The following RGPD6 variants were observed in gnomAD, a reference collection of about 807,000 sequenced individuals.
RGPD6 encodes the protein RANBP2-like and GRIP domain-containing protein 5/6.
At chr2:110,589,476 T>A in the RGPD6 span, among the ~76,000 whole-genome samples, 3 of 152,196 alleles carry the variant, frequency 2.0e-5, no homozygotes, top group Admixed American at 2.0e-4. Context: ...AACGGTATTT[T>A]TCATTTAGCA....
At chr2:110,606,204 G>A in the RGPD6 span, among the ~76,000 whole-genome samples, 1 of 149,542 alleles carries the variant, frequency 6.7e-6, no homozygotes, top group Non-Finnish European at 1.5e-5. Context: ...CATGTTCAAG[G>A]GGTGGTGGGT....
chr2:110,604,843 AC>A, the RGPD6 span, among the ~76,000 whole-genome samples: 1 of 148,096 alleles, frequency 6.8e-6, no homozygotes, highest in African/African-American at 2.5e-5. Flanking sequence ...CATTGATTAG[AC>A]CCATTGTAGT....
At chr2:110,604,755 T>C in the RGPD6 span, among the ~76,000 whole-genome samples, 6 of 149,486 alleles carry the variant, frequency 4.0e-5, no homozygotes, top group Non-Finnish European at 8.9e-5. Context: ...TTGCATTCCA[T>C]ATTGAGAGGT....
chr2:110,604,765 T>G, the RGPD6 span, among the ~76,000 whole-genome samples: 1 of 146,956 alleles, frequency 6.8e-6, no homozygotes, highest in African/African-American at 2.5e-5. Context: ...TATTGAGAGG[T>G]TTTTTTTTCT....
At chr2:110,606,173 CTT>C in the RGPD6 span, among the ~76,000 whole-genome samples, 7 of 150,872 alleles carry the variant, frequency 4.6e-5, no homozygotes, top group Non-Finnish European at 8.8e-5. Flanking sequence ...TCATGATGCT[CTT>C]GTTTCACTTA....
the RGPD6 span, among the ~76,000 whole-genome samples, chr2:110,589,514 G>A: frequency 6.6e-6 from 1 of 152,114 alleles, no homozygotes; most frequent in South Asian, 2.1e-4. Context: ...GAAAGTCTAT[G>A]TCAATCAGCC....
chr2:110,591,693 T>G, the RGPD6 span, among the ~76,000 whole-genome samples: 1 of 151,970 alleles, frequency 6.6e-6, no homozygotes, highest in Non-Finnish European at 1.5e-5. Flanking sequence ...GCAACATCAT[T>G]TCCTCCCTGA....
the RGPD6 span, among the ~76,000 whole-genome samples, chr2:110,606,614 A>C: frequency 3.1e-5 from 4 of 131,090 alleles, no homozygotes; most frequent in Middle Eastern, 3.5e-3. Flanking sequence ...TCATGACTAC[A>C]AAGTTCTGCA....
chr2:110,596,929 T>C, the RGPD6 span, among the ~76,000 whole-genome samples: 5 of 130,968 alleles, frequency 3.8e-5, no homozygotes, highest in Admixed American at 2.5e-4. Flanking sequence ...TATATATATA[T>C]ATTATATATA....
the RGPD6 span, among the ~76,000 whole-genome samples, chr2:110,606,876 T>G: frequency 6.6e-6 from 1 of 151,814 alleles, no homozygotes; most frequent in Admixed American, 6.5e-5. Context: ...GTCTCTTTTC[T>G]GAATCACCAG....
the RGPD6 span, among the ~76,000 whole-genome samples, chr2:110,610,555 G>C: frequency 6.6e-6 from 1 of 151,146 alleles, no homozygotes; most frequent in South Asian, 2.1e-4. Flanking sequence ...CATCCCACCC[G>C]GGGAGGCAGA....
At chr2:110,599,980 G>A in the RGPD6 span, among the ~76,000 whole-genome samples, 2 of 151,172 alleles carry the variant, frequency 1.3e-5, no homozygotes, top group African/African-American at 4.9e-5. Flanking sequence ...ACACAAATAA[G>A]AGAGTCCTGG....
the RGPD6 span, chr2:110,610,789 C>A: frequency 2.7e-6 from 3 of 1,117,854 alleles, no homozygotes; most frequent in South Asian, 2.7e-5. Flanking sequence ...TCAGCGTCGC[C>A]GCCGCCGCTG....
At chr2:110,611,011 C>T in the RGPD6 span, 9 of 966,038 alleles carry the variant, frequency 9.3e-6, no homozygotes, top group African/African-American at 1.4e-4. Context: ...CAGGCACACT[C>T]AAGAGAGAGC....
At chr2:110,600,037 G>A in the RGPD6 span, among the ~76,000 whole-genome samples, 1 of 152,078 alleles carries the variant, frequency 6.6e-6, no homozygotes, top group Non-Finnish European at 1.5e-5. Flanking sequence ...ATGCTTCTGC[G>A]AAAAACTCAG....
the RGPD6 span, among the ~76,000 whole-genome samples, chr2:110,596,468 GAA>G: frequency 4.3e-5 from 5 of 116,084 alleles, no homozygotes; most frequent in African/African-American, 1.4e-4. Context: ...TGATCTACAT[GAA>G]AAAAAAAATC....
At chr2:110,596,932 T>A in the RGPD6 span, among the ~76,000 whole-genome samples, 183 of 123,190 alleles carry the variant, frequency 1.5e-3, 7 homozygotes, top group East Asian at 0.032. Flanking sequence ...ATATATATAT[T>A]ATATATATTT....
At chr2:110,607,101 GC>G in the RGPD6 span, among the ~76,000 whole-genome samples, 2 of 150,276 alleles carry the variant, frequency 1.3e-5, no homozygotes, top group Non-Finnish European at 3.0e-5. Context: ...TATTTTAAAG[GC>G]CCTGAGGAAT....
At chr2:110,605,017 G>C in the RGPD6 span, among the ~76,000 whole-genome samples, 1 of 149,414 alleles carries the variant, frequency 6.7e-6, no homozygotes, top group Non-Finnish European at 1.5e-5. Context: ...CACACATTAA[G>C]GTGCACACTC....
Sources: gnomAD v4.1 joint callset for allele counts (sites outside exome capture counted in the v4.1 genomes callset) on GRCh38, gnomAD v4.1.1 for gene constraint, MANE v1.5 for transcripts, NCBI Gene and HGNC (gene_info 2026-07-23, HGNC 2026-07-21) for gene names.